The following MYG1 variants were observed in gnomAD, a reference collection of about 807,000 sequenced individuals.
The protein encoded by MYG1 is UPF0160 protein MYG1, mitochondrial.
In MYG1, 36 loss-of-function variants were observed where a neutral mutation model predicts 43.5. The observed-to-expected ratio is 0.83, with a 90% CI of 0.63 to 1.09. The LOEUF (loss-of-function observed/expected upper bound fraction) is 1.09, where lower values mean the gene tolerates loss of function less well. Among genes scored for constraint, MYG1 ranks in the 50% least tolerant of loss-of-function variants. MYG1 has a pLI of 0.00. For synonymous variants in MYG1, 220 were observed against 202.8 expected (o/e 1.08, Z -0.72); for missense variants, 529 against 495.1 (o/e 1.07, Z -0.65).
chr12:53,299,970 G>A lies in MYG1; in HGVS notation c.216+17G>A, dbSNP rs745619554. On this transcript the variant is annotated intron_variant, in intron 1 of 6. Transcript: ENST00000267103. ...GAGTACCGGGTACGGTCCGCGAAAA[G>A]TGACCCTGGGACTGCGTGCATGCAT... is the stretch of plus-strand genomic sequence containing the variant. The A allele has an allele frequency of 1.9e-6, 3 of 1,613,724 alleles. No individual in the cohort carries two copies. Among genetic ancestry groups the A allele is most frequent in the African/African-American group, 2.7e-5 (2 of 74,934 alleles).
chr12:53,301,849 G>GT (rs773714366), intron 2 of MYG1, among the ~76,000 whole-genome samples: 1 of 151,918 alleles, frequency 6.6e-6, no homozygotes, highest in Non-Finnish European at 1.5e-5. Context: ...GCTAATTTTT[G>GT]TATTTTTAGG....
chr12:53,304,565 G>A (rs1448473266), intron 3 of MYG1, among the ~76,000 whole-genome samples: 10 of 152,174 alleles, frequency 6.6e-5, no homozygotes, highest in African/African-American at 1.9e-4. Flanking sequence ...GATTACAGGC[G>A]TGAGCCACTA....
intron 5 of MYG1, 139 bp downstream of exon 5, chr12:53,306,459 T>C: frequency 7.6e-7 from 1 of 1,314,626 alleles, no homozygotes; most frequent in East Asian, 2.4e-5. Flanking sequence ...TCCTCCCACC[T>C]CAGCCTCCTG....
At chr12:53,302,754 T>G (rs555061768) in intron 2 of MYG1, among the ~76,000 whole-genome samples, 26 of 152,138 alleles carry the variant, frequency 1.7e-4, no homozygotes, top group Admixed American at 2.6e-4. Context: ...CACCCACTAA[T>G]TCATCTTTCA....
Position 53,306,220 on chromosome 12 carries a change from A to T in MYG1, c.665A>T (p.Asp222Val). 1 of 1,614,208 alleles carries T rather than the reference A, an allele frequency of 6.2e-7. No individual in the cohort carries two copies. Among genetic ancestry groups the T allele is most frequent in the South Asian group, 1.1e-5 (1 of 91,086 alleles). The stretch of plus-strand genomic sequence containing the variant: ...CAGGCAGGGTTCAAGCGTGCAATGG[A>T]TCTGGTTCAAGAGGAGTTTCTGCAG... ...DTEAGFKRAM[D>V]LVQEEFLQRL... The change falls in exon 5 of 7, where the codon GAT (aspartate) becomes GTT (valine). Residue 222 changes from aspartate (D) to valine (V), a missense_variant. Transcript: ENST00000267103.
chr12:53,300,077 C>A, intron 1 of MYG1, 73 bp from the exon 2 acceptor site: 1 of 1,522,256 alleles, frequency 6.6e-7, no homozygotes, highest in Non-Finnish European at 8.9e-7. Flanking sequence ...ACCCTTCCTG[C>A]CTCCCTGAAG....
In MYG1 at chr12:53,303,109, C is replaced by G; in HGVS notation, c.405C>G (p.Ile135Met). 6.2e-7 allele frequency: 1 copy of G among 1,614,208 alleles called. No homozygotes were observed. The highest frequency in any genetic ancestry group is 8.5e-7 in the Non-Finnish European group (1 of 1,180,038). ...CCAAGCTGAGCAGTGCGGGACTCAT[C>G]TATCTGCACTTCGGGCACAAGCTGC... ...WQTKLSSAGL[I>M]YLHFGHKLLA... Residue 135 changes from isoleucine (I) to methionine (M), a missense_variant, in exon 3 of 7, where the codon ATC becomes ATG. Ile to Met is a conservative substitution (Grantham distance 10). Coordinates refer to ENST00000267103, the MANE Select transcript of MYG1 (RefSeq NM_021640.4).
chr12:53,303,449 T>C (rs1944245916), intron 3 of MYG1: 3 of 406,144 alleles, frequency 7.4e-6, no homozygotes, highest in African/African-American at 4.1e-5. Context: ...TAAAGCAGCA[T>C]GGCCCCGTCT....
Position 53,307,112 on chromosome 12 carries a change from C to T in MYG1, c.1094C>T (p.Thr365Ile). 6.2e-7 allele frequency: 1 copy of T among 1,613,690 alleles called. No homozygotes were observed. ...GGTGCCTTGAGCATGGCCCGTGCCA[C>T]CTTGGCCCAGCGCTCATACCTCCCA... is the stretch of plus-strand genomic sequence containing the variant. ...REGALSMARA[T>I]LAQRSYLPQI... is the part of the protein sequence containing the mutation. Residue 365 changes from threonine to isoleucine, a missense_variant, in exon 7 of 7, where the codon ACC (threonine) becomes ATC (isoleucine). Coordinates refer to ENST00000267103, the MANE Select transcript of MYG1 (RefSeq NM_021640.4).
At chr12:53,302,951 A>G (rs557156326) in intron 2 of MYG1, 83 bp from the exon 3 acceptor site, 16 of 1,352,938 alleles carry the variant, frequency 1.2e-5, no homozygotes, top group Non-Finnish European at 1.5e-5. Flanking sequence ...GCAGATAGGA[A>G]GCATTGAGTT....
chr12:53,303,342 C>T, intron 3 of MYG1, 149 bp downstream of exon 3: 1 of 850,236 alleles, frequency 1.2e-6, no homozygotes, highest in Admixed American at 3.0e-5. Flanking sequence ...CAGTCAGGCT[C>T]ATCTCACAAG....
In MYG1 at chr12:53,307,081, C is replaced by G. The variant is rs376729554; in HGVS notation, c.1063C>G (p.Arg355Gly). Residue 355 changes from arginine to glycine, a missense_variant, in exon 7 of 7, where the codon CGA becomes GGA. By Grantham distance (125) the Arg-to-Gly change is moderately radical. Transcript: ENST00000267103. ...CGGCTTCACTGGCGGTCACCACACCCGAGAGGGTGCCTTGAGCATGGCCCG... is the reference window on the plus strand; with the variant it reads ...CGGCTTCACTGGCGGTCACCACACCGGAGAGGGTGCCTTGAGCATGGCCCG... Reference protein sequence around the residue: ...ASGFTGGHHTREGALSMARAT... With the variant: ...ASGFTGGHHTGEGALSMARAT... 3.7e-6 allele frequency: 6 copies of G among 1,614,182 alleles called. No homozygotes were observed. The highest frequency in any genetic ancestry group is 5.1e-6 in the Non-Finnish European group (6 of 1,180,002).
At position 53,300,094 on chromosome 12, in the gene MYG1, A is replaced by G. The variant is rs1040916830; in HGVS notation, c.217-56A>G. On this transcript the variant is annotated intron_variant, in intron 1 of 6. Coordinates refer to ENST00000267103, the MANE Select transcript of MYG1 (RefSeq NM_021640.4). ...CCTTCCTGCCTCCCTGAAGTCCAGCATTAATCCCCTACCCGGCGACACCCG... is the reference window on the plus strand; with the variant it reads ...CCTTCCTGCCTCCCTGAAGTCCAGCGTTAATCCCCTACCCGGCGACACCCG... 5 of 1,534,166 alleles carry G rather than the reference A, an allele frequency of 3.3e-6. No homozygotes were observed. In the African/African-American group the frequency reaches 6.8e-5, roughly 21 times the overall value.
At position 53,299,896 on chromosome 12, in the gene MYG1, C is replaced by A. The variant is rs970794751; in HGVS notation, c.159C>A (p.Thr53=). 1 of 1,614,244 alleles carries A rather than the reference C, an allele frequency of 6.2e-7. No individual in the cohort carries two copies. Among genetic ancestry groups the A allele is most frequent in the South Asian group, 1.1e-5 (1 of 91,086 alleles). ...APPRIGTHNG[T]FHCDEALACA... Reference sequence around the variant, plus strand: ...CCCGAATCGGGACGCACAATGGCACCTTCCACTGCGACGAGGCACTGGCAT... The same window carrying A: ...CCCGAATCGGGACGCACAATGGCACATTCCACTGCGACGAGGCACTGGCAT... Residue 53 remains threonine, a synonymous_variant, in exon 1 of 7, where the codon ACC becomes ACA. Transcript: ENST00000267103.
rs989405842 is a variant in MYG1 at position 53,306,867 on chromosome 12, G to T, written c.947+6G>T. 6.2e-6 allele frequency: 10 copies of T among 1,611,778 alleles called. No individual in the cohort carries two copies. The highest frequency in any genetic ancestry group is 8.5e-6 in the Non-Finnish European group (10 of 1,178,672). ...CCCCACTCATTCCAAAGCCGGTGAG[G>T]CCCTAGGGAACCACTCTGCAGACCT... On this transcript the variant is annotated splice_donor_region_variant and intron_variant, in intron 6 of 6. Coordinates refer to ENST00000267103, the MANE Select transcript of MYG1 (RefSeq NM_021640.4).
intron 2 of MYG1, among the ~76,000 whole-genome samples, chr12:53,300,671 T>C (rs903458859): frequency 6.6e-6 from 1 of 152,128 alleles, no homozygotes; most frequent in Non-Finnish European, 1.5e-5. Context: ...TTTACACCCT[T>C]CCAAAGGGAA....
Position 53,307,009 on chromosome 12 carries a change from C to T in MYG1, c.991C>T (p.Leu331=), listed in dbSNP as rs1592509847. 8.1e-6 allele frequency: 13 copies of T among 1,614,246 alleles called. No homozygotes were observed. Among genetic ancestry groups the T allele is most frequent in the African/African-American group, 4.0e-5 (3 of 75,072 alleles). The part of the protein sequence containing the change: ...EPWRGLRDEA[L]DQVSGIPGCI... ...ATGGCGGGGTCTTCGGGACGAGGCC[C>T]TGGACCAGGTCAGTGGGATCCCTGG... Residue 331 remains leucine (L), a synonymous_variant, in exon 7 of 7, where the codon CTG becomes TTG. Transcript: ENST00000267103.
At chr12:53,304,606 G>A (rs994665774) in intron 3 of MYG1, among the ~76,000 whole-genome samples, 2 of 151,774 alleles carry the variant, frequency 1.3e-5, no homozygotes, top group Admixed American at 6.6e-5. Flanking sequence ...AATTTAACCC[G>A]TATTTTTTTT....
At chr12:53,305,014 G>A (rs1006741995) in intron 3 of MYG1, among the ~76,000 whole-genome samples, 14 of 150,808 alleles carry the variant, frequency 9.3e-5, no homozygotes, top group African/African-American at 2.7e-4. Flanking sequence ...GACTACAGGC[G>A]CCCGCCACTA....
Sources: allele counts gnomAD v4.1 joint callset (sites outside exome capture counted in the v4.1 genomes callset), GRCh38; gene constraint gnomAD v4.1.1; transcripts MANE v1.5; gene names NCBI Gene and HGNC (gene_info 2026-07-23, HGNC 2026-07-21).